The following CPB2 variants were observed in gnomAD, a reference collection of about 807,000 sequenced individuals.
CPB2 encodes the protein carboxypeptidase B2.
CPB2 carries 54 observed loss-of-function variants against 57.0 expected under a neutral mutation model. The ratio of observed to expected loss-of-function variants is 0.95; its 90% CI spans 0.76 to 1.19. The LOEUF (loss-of-function observed/expected upper bound fraction) is 1.19, where lower values mean the gene tolerates loss of function less well. Among genes scored for constraint, CPB2 ranks in the 50% most tolerant of loss-of-function variants. The pLI is 0.00. For synonymous variants in CPB2, 189 were observed against 178.1 expected (o/e 1.06, Z -0.49); for missense variants, 426 against 512.0 (o/e 0.83, Z 1.62).
At chr13:46,083,380 TAGAA>T (rs1290045821) in intron 3 of CPB2, among the ~76,000 whole-genome samples, 1 of 152,178 alleles carries the variant, frequency 6.6e-6, no homozygotes. Context: ...TGTCAATTAA[TAGAA>T]AGGTTCAGCA....
At chr13:46,079,311 T>C (rs2045070886) in intron 4 of CPB2, among the ~76,000 whole-genome samples, 1 of 152,060 alleles carries the variant, frequency 6.6e-6, no homozygotes. Flanking sequence ...CCCTTAGCAC[T>C]GTCTTCATGC....
chr13:46,075,477 T>C (rs926259745), intron 5 of CPB2, among the ~76,000 whole-genome samples: 2 of 152,218 alleles, frequency 1.3e-5, no homozygotes, highest in Non-Finnish European at 2.9e-5. Context: ...TTTCAACGTG[T>C]ACAGGTTCCA....
intron 8 of CPB2, among the ~76,000 whole-genome samples, 182 bp from the exon 9 acceptor site, chr13:46,058,563 T>C (rs969076380): frequency 1.3e-5 from 2 of 152,226 alleles, no homozygotes; most frequent in Non-Finnish European, 2.9e-5. Context: ...CAAATACTTA[T>C]CTGCTCACAT....
At position 46,082,507 on chromosome 13, in the gene CPB2, A is replaced by T. The variant is rs1446088440; in HGVS notation, c.318T>A (p.Ile106=). ...ADVEDLIQQQ[I]SNDTVSPRAS... ...CTCGGGGGCTGACTGTGTCGTTGGAAATCTGCTGTTGAATAAGATCTTCCA... is the reference window on the plus strand; with the variant it reads ...CTCGGGGGCTGACTGTGTCGTTGGATATCTGCTGTTGAATAAGATCTTCCA... Residue 106 remains isoleucine (I), a synonymous_variant, in exon 4 of 11, where the codon ATT becomes ATA. Transcript: ENST00000181383. 1 of 1,613,768 alleles carries T rather than the reference A, an allele frequency of 6.2e-7. No individual in the cohort carries two copies. Among genetic ancestry groups the T allele is most frequent in the Admixed American group, 1.7e-5 (1 of 60,006 alleles).
At chr13:46,096,497 G>C (rs2045367707) in intron 1 of CPB2, 1 of 152,296 alleles carries the variant, frequency 6.6e-6, no homozygotes, top group South Asian at 2.1e-4. Flanking sequence ...AATGAAGTGG[G>C]CTGGGCACGG....
chr13:46,097,866 C>T (rs1201752444), intron 1 of CPB2, among the ~76,000 whole-genome samples: 1 of 152,168 alleles, frequency 6.6e-6, no homozygotes, highest in Non-Finnish European at 1.5e-5. Flanking sequence ...GGACTCTGTA[C>T]TTATAAAAAT....
intron 4 of CPB2, among the ~76,000 whole-genome samples, chr13:46,080,977 A>G (rs2045106062): frequency 6.6e-6 from 1 of 150,672 alleles, no homozygotes; most frequent in Non-Finnish European, 1.5e-5. Flanking sequence ...GTCTCAAAAA[A>G]AAAAAAAAAA....
chr13:46,067,209 G>T, intron 7 of CPB2, 98 bp downstream of exon 7: 1 of 564,782 alleles, frequency 1.8e-6, no homozygotes, highest in Non-Finnish European at 3.2e-6. Context: ...TAATAATAAA[G>T]CCATTGTGCC....
intron 10 of CPB2, among the ~76,000 whole-genome samples, chr13:46,054,448 AAT>A (rs1319418606): frequency 6.6e-6 from 1 of 152,136 alleles, no homozygotes; most frequent in Non-Finnish European, 1.5e-5. Flanking sequence ...TTCATATGAA[AAT>A]ATATGCTGTA....
chr13:46,103,610 T>C (rs1443853110), intron 1 of CPB2, among the ~76,000 whole-genome samples: 1 of 152,206 alleles, frequency 6.6e-6, no homozygotes, highest in Non-Finnish European at 1.5e-5. Flanking sequence ...TTTTATGCAT[T>C]TAAAGAGATA....
intron 6 of CPB2, among the ~76,000 whole-genome samples, chr13:46,070,769 T>C (rs995873803): frequency 2.0e-5 from 3 of 152,220 alleles, no homozygotes; most frequent in Non-Finnish European, 2.9e-5. Flanking sequence ...TCTCTATATA[T>C]GTATGTATAG....
In CPB2 at chr13:46,053,522, G is replaced by C. The variant is rs957576027; in HGVS notation, c.*92C>G. ...TAGGAAAATCTTTTATCAAAACTAC[G>C]GATAAAACTTAAAAATAATTTGATA... On this transcript the variant is annotated 3_prime_UTR_variant, in exon 11 of 11. Transcript: ENST00000181383. 74 of 1,514,408 alleles carry C rather than the reference G, an allele frequency of 4.9e-5. 1 individual carries two copies. The highest frequency in any genetic ancestry group is 1.8e-4 in the Middle Eastern group (1 of 5,576). The allele number at this position is 1,514,408 out of a possible 1,614,324, so 93.8% of individuals were successfully genotyped here. A position where few individuals can be genotyped will look rare whatever the true frequency, so the allele number is the denominator to read the frequency against.
intron 5 of CPB2, among the ~76,000 whole-genome samples, chr13:46,076,299 G>T (rs1855954884): frequency 6.6e-6 from 1 of 151,832 alleles, no homozygotes; most frequent in Admixed American, 6.6e-5. Context: ...GTAAATTGCA[G>T]GTTATAAAAT....
At chr13:46,100,951 G>GT (rs1172023789) in intron 1 of CPB2, 2 of 152,210 alleles carry the variant, frequency 1.3e-5, no homozygotes, top group African/African-American at 4.8e-5. Flanking sequence ...AAGAAAAAGA[G>GT]TAAGGTGTGT....
chr13:46,092,293 T>A lies in CPB2; in HGVS notation c.75-4473A>T, dbSNP rs527635569. 3.5e-4 allele frequency among the ~76,000 whole-genome samples: 54 copies of A among 152,268 alleles called. No individual in the cohort carries two copies. In the South Asian group the frequency reaches 0.01, roughly 29 times the overall value. Reference sequence around the variant, plus strand: ...ATGCAACATGGTGTTCTGGATTAGATCTCGGAACAGAAAAAGAGCTTTAGT... The same window carrying A: ...ATGCAACATGGTGTTCTGGATTAGAACTCGGAACAGAAAAAGAGCTTTAGT... On this transcript the variant is annotated intron_variant, in intron 1 of 10. Transcript: ENST00000181383.
chr13:46,089,583 C>A (rs1323730981), intron 1 of CPB2, among the ~76,000 whole-genome samples: 2 of 152,110 alleles, frequency 1.3e-5, no homozygotes, highest in Non-Finnish European at 2.9e-5. Context: ...TTGCTCTGAT[C>A]TGAATGTTTG....
intron 4 of CPB2, among the ~76,000 whole-genome samples, chr13:46,081,366 T>C (rs1409433): frequency 0.78 from 119,195 of 151,940 alleles, 46,995 homozygotes; most frequent in African/African-American, 0.86. Flanking sequence ...GTTTCACCTT[T>C]TATGAAGGTG....
At chr13:46,058,414 G>A (rs1001559744) in intron 8 of CPB2, 33 bp from the exon 9 acceptor site, 7 of 1,580,634 alleles carry the variant, frequency 4.4e-6, no homozygotes, top group African/African-American at 1.3e-5. Flanking sequence ...AAATTATGAG[G>A]GGATGCACAT....
chr13:46,059,057 G>A (rs2044735639), intron 8 of CPB2, among the ~76,000 whole-genome samples: 1 of 152,202 alleles, frequency 6.6e-6, no homozygotes, highest in Admixed American at 6.5e-5. Context: ...TGAGGGCTCA[G>A]GATTGGGTCT....
Sources: gnomAD v4.1 joint callset for allele counts (sites outside exome capture counted in the v4.1 genomes callset) on GRCh38, gnomAD v4.1.1 for gene constraint, MANE v1.5 for transcripts, NCBI Gene and HGNC (gene_info 2026-07-23, HGNC 2026-07-21) for gene names.